The following WDTC1 variants were observed in gnomAD, a reference collection of about 807,000 sequenced individuals.
WDTC1 encodes the protein WD and tetratricopeptide repeats protein 1.
WDTC1 carries 12 observed loss-of-function variants against 76.0 expected under a neutral mutation model. That is an observed-to-expected ratio of 0.16 (90% CI 0.10 to 0.26). The LOEUF (loss-of-function observed/expected upper bound fraction) is 0.26. Among genes scored for constraint, WDTC1 ranks in the 10% least tolerant of loss-of-function variants. The pLI is 1.00. For synonymous variants in WDTC1, 326 were observed against 350.8 expected (o/e 0.93, Z 0.79); for missense variants, 511 against 908.8 (o/e 0.56, Z 5.63).
chr1:27,235,312 G>GT (rs1239992418), intron 1 of WDTC1, among the ~76,000 whole-genome samples: 1 of 152,138 alleles, frequency 6.6e-6, no homozygotes, highest in African/African-American at 2.4e-5. Context: ...AGGGGCAGGT[G>GT]TAAGTGCTGG....
At position 27,298,100 on chromosome 1, in the gene WDTC1, G is replaced by A; in HGVS notation, c.1221G>A (p.Met407Ile). The A allele has an allele frequency of 6.2e-7, 1 of 1,610,244 alleles. No homozygotes were observed. The highest frequency in any genetic ancestry group is 8.5e-7 in the Non-Finnish European group (1 of 1,177,544). Residue 407 changes from methionine (M) to isoleucine (I), a missense_variant, in exon 12 of 16, where the codon ATG (methionine) becomes ATA (isoleucine). Physicochemically the swap from Met to Ile is conservative, Grantham distance 10. Transcript: ENST00000319394. ...ATGGAAACCGAGCAGCAGCCTACAT[G>A]AAGCGCAAGTGGTGAGTGGCCACTG... ...MLYGNRAAAY[M>I]KRKWDGDHYD...
chr1:27,241,633 C>G (rs1221879240), intron 1 of WDTC1, among the ~76,000 whole-genome samples: 1 of 152,178 alleles, frequency 6.6e-6, no homozygotes. Flanking sequence ...GCCTTCTCTA[C>G]AAGAGATATT....
Position 27,304,981 on chromosome 1 carries a change from G to A in WDTC1, c.1644-20G>A, listed in dbSNP as rs749943025. 2 of 1,604,614 alleles carry A rather than the reference G, an allele frequency of 1.2e-6. No individual in the cohort carries two copies. The highest frequency in any genetic ancestry group is 2.2e-5 in the East Asian group (1 of 44,702). On this transcript the variant is annotated intron_variant, in intron 14 of 15. Coordinates refer to ENST00000319394, the MANE Select transcript of WDTC1 (RefSeq NM_001276252.2). ...GGGCAGTACCCCACCTGACCTCCCT[G>A]CCCTTTGCCCCCCCGCCAGCAACGC... is the stretch of plus-strand genomic sequence containing the variant.
At chr1:27,297,430 G>T (rs917705949) in intron 11 of WDTC1, among the ~76,000 whole-genome samples, 5 of 152,190 alleles carry the variant, frequency 3.3e-5, no homozygotes, top group Non-Finnish European at 5.9e-5. Flanking sequence ...TTAGCACTGA[G>T]CTGTCTCCAA....
intron 13 of WDTC1, among the ~76,000 whole-genome samples, chr1:27,302,361 A>G (rs1216056070): frequency 3.3e-5 from 5 of 152,112 alleles, no homozygotes; most frequent in African/African-American, 1.2e-4. Flanking sequence ...GGTGGGCTTG[A>G]TGGCATTCTG....
Position 27,306,586 on chromosome 1 carries a change from C to T in WDTC1, c.*203C>T. 3 of 646,656 alleles carry T rather than the reference C, an allele frequency of 4.6e-6. No homozygotes were observed. The highest frequency in any genetic ancestry group is 7.8e-6 in the Non-Finnish European group (3 of 383,304). The allele number at this position is 646,656 out of a possible 1,614,324, so 40.1% of individuals were successfully genotyped here. A position where few individuals can be genotyped will look rare whatever the true frequency, so the allele number is the denominator to read the frequency against. On this transcript the variant is annotated 3_prime_UTR_variant, in exon 16 of 16. Transcript: ENST00000319394. The surrounding 1 kb of genome is among the most constrained non-coding windows in gnomAD (Gnocchi z 5.0). ...TCTGGGCTGATTGTCCCCTGACTAT[C>T]CCCAGCCCTGAAAAAAAGAGCAGGA...
chr1:27,282,048 C>T (rs1158945939), intron 3 of WDTC1, among the ~76,000 whole-genome samples, 191 bp from the exon 4 acceptor site: 2 of 152,170 alleles, frequency 1.3e-5, no homozygotes, highest in Non-Finnish European at 2.9e-5. Flanking sequence ...CAAGTGAGAT[C>T]ATGAATATGA....
chr1:27,270,802 A>G (rs1050476160), intron 3 of WDTC1, among the ~76,000 whole-genome samples: 2 of 152,212 alleles, frequency 1.3e-5, no homozygotes, highest in African/African-American at 4.8e-5. Context: ...CAAATTCTTC[A>G]CCATGGGAGT....
intron 6 of WDTC1, 118 bp downstream of exon 6, chr1:27,287,979 C>T: frequency 7.7e-7 from 1 of 1,292,990 alleles, no homozygotes; most frequent in Non-Finnish European, 1.1e-6. Flanking sequence ...CTTTGTCTGC[C>T]CAGGGCAGTT....
rs139165733 is a variant in WDTC1 at position 27,305,510 on chromosome 1, T to C, written c.1836+317T>C. ...TCTCTGACCCAGGCTTTTAATCATC[T>C]GTACATTGGGAATGGGAATGACAGC... On this transcript the variant is annotated intron_variant, in intron 15 of 15. Coordinates refer to ENST00000319394, the MANE Select transcript of WDTC1 (RefSeq NM_001276252.2). This position sits in a 1 kb window ranked among gnomAD's most constrained non-coding sequence, Gnocchi z 4.6. Among the ~76,000 whole-genome samples, 2 of 152,286 alleles carry C rather than the reference T, an allele frequency of 1.3e-5. No individual in the cohort carries two copies. Among genetic ancestry groups the C allele is most frequent in the East Asian group, 3.9e-4 (2 of 5,184 alleles).
At chr1:27,281,152 GGT>G (rs1204015158) in intron 3 of WDTC1, among the ~76,000 whole-genome samples, 1 of 151,990 alleles carries the variant, frequency 6.6e-6, no homozygotes, top group East Asian at 1.9e-4. Context: ...GCATGCAGTA[GGT>G]GCTTGATGAA....
At position 27,306,317 on chromosome 1, in the gene WDTC1, T is replaced by C; in HGVS notation, c.1968T>C (p.Ser656=). 1 of 1,613,902 alleles carries C rather than the reference T, an allele frequency of 6.2e-7. No individual in the cohort carries two copies. Among genetic ancestry groups the C allele is most frequent in the South Asian group, 1.1e-5 (1 of 91,082 alleles). ...GCTACCGGATCACGGGCCTGAGCAG[T>C]GGGGGTGCCGGGGCCTCTGATGATG... ...NMGYRITGLS[S]GGAGASDDED... Residue 656 remains serine, a synonymous_variant, in exon 16 of 16, where the codon AGT becomes AGC. Transcript: ENST00000319394. The surrounding 1 kb of genome is among the most constrained non-coding windows in gnomAD (Gnocchi z 5.0).
At chr1:27,280,643 TC>T (rs1274228892) in intron 3 of WDTC1, among the ~76,000 whole-genome samples, 1 of 152,256 alleles carries the variant, frequency 6.6e-6, no homozygotes, top group Admixed American at 6.5e-5. Flanking sequence ...TTCCTGTCTT[TC>T]CTAGTTGGCA....
intron 6 of WDTC1, among the ~76,000 whole-genome samples, chr1:27,288,361 T>A (rs2013406312): frequency 1.3e-5 from 2 of 151,628 alleles, no homozygotes; most frequent in South Asian, 2.1e-4. Flanking sequence ...TTTATTTATT[T>A]TTTTTTTTAT....
chr1:27,241,261 G>T (rs2011624519), intron 1 of WDTC1, among the ~76,000 whole-genome samples: 1 of 152,178 alleles, frequency 6.6e-6, no homozygotes, highest in Admixed American at 6.5e-5. Context: ...TGGAGATGGG[G>T]TGGAGAACAG....
chr1:27,282,563 C>T (rs774527531), intron 4 of WDTC1, among the ~76,000 whole-genome samples: 4 of 152,064 alleles, frequency 2.6e-5, no homozygotes, highest in Non-Finnish European at 2.9e-5. Context: ...AGTGCAATGG[C>T]GTGATCTTGG....
intron 1 of WDTC1, among the ~76,000 whole-genome samples, chr1:27,236,540 G>T (rs1195399328): frequency 6.6e-6 from 1 of 152,222 alleles, no homozygotes; most frequent in Non-Finnish European, 1.5e-5. Flanking sequence ...CACCTTCATT[G>T]AGGGTCACGA....
At chr1:27,277,504 A>G (rs1428402611) in intron 3 of WDTC1, among the ~76,000 whole-genome samples, 1 of 151,944 alleles carries the variant, frequency 6.6e-6, no homozygotes, top group Non-Finnish European at 1.5e-5. Flanking sequence ...GCTATGTTGC[A>G]CAGGCTGGTC....
chr1:27,254,825 G>A (rs974707437), intron 1 of WDTC1, among the ~76,000 whole-genome samples: 1 of 151,992 alleles, frequency 6.6e-6, no homozygotes, highest in African/African-American at 2.4e-5. Context: ...TAGTAGAGAT[G>A]TGGTTTCACC....
Sources: gnomAD v4.1 joint callset for allele counts (sites outside exome capture counted in the v4.1 genomes callset) on GRCh38, gnomAD v4.1.1 for gene constraint, Gnocchi (gnomAD v3.1) non-coding constraint, MANE v1.5 for transcripts, NCBI Gene and HGNC (gene_info 2026-07-23, HGNC 2026-07-21) for gene names.